PHLPP2: variants seen among roughly 807,000 people sequenced by gnomAD.
PHLPP2 encodes PH domain leucine-rich repeat-containing protein phosphatase 2.
PHLPP2 carries 66 observed loss-of-function variants against 124.9 expected under a neutral mutation model. The observed-to-expected ratio is 0.53, with a 90% confidence interval of 0.43 to 0.65. The LOEUF (loss-of-function observed/expected upper bound fraction) is 0.65, where lower values mean the gene tolerates loss of function less well. PHLPP2 is among the 30% of genes least tolerant of loss of function. PHLPP2 has a pLI of 0.00. For synonymous variants in PHLPP2, 681 were observed against 624.7 expected (o/e 1.09, Z -1.34); for missense variants, 1,685 against 1,600.4 (o/e 1.05, Z -0.90).
intron 4 of PHLPP2, among the ~76,000 whole-genome samples, chr16:71,689,276 C>G (rs1190345207): frequency 2.0e-5 from 3 of 151,654 alleles, no homozygotes; most frequent in African/African-American, 7.3e-5. Flanking sequence ...GATACGGTAG[C>G]ACGATCACAG....
intron 2 of PHLPP2, among the ~76,000 whole-genome samples, chr16:71,708,967 C>T (rs1382263207): frequency 7.5e-6 from 1 of 133,398 alleles, no homozygotes; most frequent in Non-Finnish European, 1.7e-5. Context: ...GATCCAATCT[C>T]TATTTTTTTA....
At chr16:71,652,550 T>C (rs933992821) in intron 18 of PHLPP2, among the ~76,000 whole-genome samples, 1 of 152,250 alleles carries the variant, frequency 6.6e-6, no homozygotes, top group African/African-American at 2.4e-5. Flanking sequence ...GCTATCAATA[T>C]ACAGGATCAC....
At chr16:71,709,958 C>G (rs1443609899) in intron 2 of PHLPP2, among the ~76,000 whole-genome samples, 1 of 152,116 alleles carries the variant, frequency 6.6e-6, no homozygotes, top group Non-Finnish European at 1.5e-5. Context: ...CTCAGCGTCC[C>G]AAGAAGTGCG....
intron 11 of PHLPP2, among the ~76,000 whole-genome samples, chr16:71,667,622 A>G (rs758737056): frequency 1.3e-5 from 2 of 152,254 alleles, no homozygotes; most frequent in African/African-American, 4.8e-5. Context: ...ATCAATTTAG[A>G]TTTTAAGTCT....
At chr16:71,716,570 T>C (rs1358053721) in intron 1 of PHLPP2, among the ~76,000 whole-genome samples, 2 of 152,222 alleles carry the variant, frequency 1.3e-5, no homozygotes, top group Non-Finnish European at 2.9e-5. Flanking sequence ...AAAAGAAATT[T>C]CCACTGACAT....
intron 3 of PHLPP2, among the ~76,000 whole-genome samples, chr16:71,696,899 C>A (rs2045176886): frequency 6.6e-6 from 1 of 152,082 alleles, no homozygotes; most frequent in Non-Finnish European, 1.5e-5. Context: ...TCTGGCCACG[C>A]ACAGTGGCTC....
chr16:71,704,366 C>CTATAAGAA, intron 2 of PHLPP2, among the ~76,000 whole-genome samples: 1 of 149,972 alleles, frequency 6.7e-6, no homozygotes, highest in Non-Finnish European at 1.5e-5. Context: ...AAACATGATG[C>CTATAAGAA]ATTTCCCATC....
chr16:71,701,371 T>C (rs780568780), intron 3 of PHLPP2, among the ~76,000 whole-genome samples: 10 of 152,124 alleles, frequency 6.6e-5, no homozygotes, highest in Non-Finnish European at 1.3e-4. Flanking sequence ...TGGTACCAGG[T>C]ACATTATTAC....
intron 1 of PHLPP2, 81 bp from the exon 2 acceptor site, chr16:71,714,882 CTACTT>C: frequency 2.0e-6 from 3 of 1,499,486 alleles, no homozygotes; most frequent in Non-Finnish European, 2.7e-6. Context: ...CCACCTCTCT[CTACTT>C]TATATTCCCC....
At chr16:71,692,384 CAATTAGGTATCACTTTGCCTATTTA>C (rs1315139438) in intron 3 of PHLPP2, among the ~76,000 whole-genome samples, 54 of 152,206 alleles carry the variant, frequency 3.5e-4, no homozygotes, top group African/African-American at 8.2e-4. Context: ...ATTGTTTATA[CAATTAGGTATCACTTTGCCTATTTA>C]AATTAGGTAT....
At chr16:71,714,948 A>G in intron 1 of PHLPP2, 147 bp from the exon 2 acceptor site, 2 of 956,264 alleles carry the variant, frequency 2.1e-6, no homozygotes, top group African/African-American at 1.7e-5. Flanking sequence ...CACATCTATC[A>G]TGCTCATTCG....
At chr16:71,707,821 G>C (rs1344200948) in intron 2 of PHLPP2, among the ~76,000 whole-genome samples, 2 of 152,172 alleles carry the variant, frequency 1.3e-5, no homozygotes, top group Non-Finnish European at 2.9e-5. Context: ...GTTCTTCCTT[G>C]CAGACAGTTG....
rs1035366653 is a variant in PHLPP2, at chr16:71,646,190, G to A, written c.*2700C>T. On this transcript the variant is annotated 3_prime_UTR_variant, in exon 19 of 19. Coordinates refer to ENST00000568954, the MANE Select transcript of PHLPP2 (RefSeq NM_015020.3). ...TGACAGCCTGTTTAGAAAACACAAT[G>A]TCTGTAAGTTACCTCATAGGTCAAA... 2.0e-5 allele frequency: 3 copies of A among 152,598 alleles called. No homozygotes were observed. Among genetic ancestry groups the A allele is most frequent in the Admixed American group, 6.5e-5 (1 of 15,280 alleles). 9.5% of individuals were successfully genotyped at this position (152,598 alleles called of 1,614,324 possible). A position where few individuals can be genotyped will look rare whatever the true frequency, so the allele number is the denominator to read the frequency against.
intron 3 of PHLPP2, among the ~76,000 whole-genome samples, chr16:71,701,644 G>A (rs962755030): frequency 1.3e-5 from 2 of 152,164 alleles, no homozygotes; most frequent in Non-Finnish European, 2.9e-5. Context: ...ATAACTGCAC[G>A]TAAAAGAAAG....
In PHLPP2 at chr16:71,647,765, T is replaced by G. The variant is rs1261702386; in HGVS notation, c.*1125A>C. On this transcript the variant is annotated 3_prime_UTR_variant, in exon 19 of 19. Coordinates refer to ENST00000568954, the MANE Select transcript of PHLPP2 (RefSeq NM_015020.3). ...TCTCTTTTTCTGATCTAGGGAGAAG[T>G]AGTCTAGGTCCTCACGCCTTCCCCA... The G allele has an allele frequency of 6.6e-6, 1 of 152,176 alleles. No homozygotes were observed. The highest frequency in any genetic ancestry group is 1.5e-5 in the Non-Finnish European group (1 of 68,040). The allele number at this position is 152,176 out of a possible 1,614,324, so 9.4% of individuals were successfully genotyped here.
At chr16:71,691,012 C>G (rs2045106361) in intron 3 of PHLPP2, among the ~76,000 whole-genome samples, 1 of 152,204 alleles carries the variant, frequency 6.6e-6, no homozygotes, top group South Asian at 2.1e-4. Flanking sequence ...TGGTTAAGAT[C>G]ATGAACTCTG....
intron 1 of PHLPP2, among the ~76,000 whole-genome samples, chr16:71,722,291 G>A (rs998799175): frequency 3.3e-5 from 5 of 152,078 alleles, no homozygotes; most frequent in African/African-American, 4.8e-5. Context: ...AAAATCAGTG[G>A]GGTGTGGTGG....
intron 1 of PHLPP2, among the ~76,000 whole-genome samples, chr16:71,719,430 C>T (rs2045383491): frequency 6.6e-6 from 1 of 152,144 alleles, no homozygotes; most frequent in Non-Finnish European, 1.5e-5. Flanking sequence ...ATCCCAGCTA[C>T]CCTGGAGGCT....
At chr16:71,695,584 C>T (rs1015089113) in intron 3 of PHLPP2, among the ~76,000 whole-genome samples, 1 of 152,122 alleles carries the variant, frequency 6.6e-6, no homozygotes, top group Non-Finnish European at 1.5e-5. Context: ...TGGTAAGCCA[C>T]CTGTAATCCC....
Sources: allele counts gnomAD v4.1 joint callset (sites outside exome capture counted in the v4.1 genomes callset), GRCh38; gene constraint gnomAD v4.1.1; transcripts MANE v1.5; gene names NCBI Gene and HGNC (gene_info 2026-07-23, HGNC 2026-07-21).